Variants in SPG11 observed in about 807,000 individuals in gnomAD.
SPG11 encodes SPG11 vesicle trafficking associated, spatacsin, also known as spatacsin.
SPG11 carries 222 observed loss-of-function variants against 274.0 expected under a neutral mutation model. The ratio of observed to expected loss-of-function variants is 0.81; its 90% confidence interval spans 0.73 to 0.91. SPG11 has a LOEUF of 0.91. SPG11 is among the 40% of genes least tolerant of loss of function. SPG11 has a pLI of 0.00. For synonymous variants in SPG11, 1,144 were observed against 1,039.7 expected, an observed-to-expected ratio of 1.10 and a Z score of -1.93; for missense variants, 3,114 against 2,872.7, an observed-to-expected ratio of 1.08 and a Z score of -1.92.
intron 9 of SPG11, 63 bp from the exon 10 acceptor site, chr15:44,628,907 A>G: frequency 6.8e-7 from 1 of 1,473,954 alleles, no homozygotes; most frequent in Admixed American, 1.7e-5. Flanking sequence ...ATGAGCTGTT[A>G]TAAAGAATTC....
intron 10 of SPG11, among the ~76,000 whole-genome samples, chr15:44,628,240 T>C (rs572407398): frequency 4.0e-4 from 61 of 152,330 alleles, no homozygotes; most frequent in Non-Finnish European, 8.2e-4. Context: ...CAGATAGGAC[T>C]AAAATTAAGT....
At chr15:44,600,187 T>A (rs1255129392) in intron 21 of SPG11, 1 of 331,562 alleles carries the variant, frequency 3.0e-6, no homozygotes, top group East Asian at 5.8e-5. Flanking sequence ...CATCCAAATG[T>A]AATCACTGTT....
At chr15:44,657,336 T>G in intron 3 of SPG11, 40 bp from the exon 4 acceptor site, 1 of 1,572,570 alleles carries the variant, frequency 6.4e-7, no homozygotes, top group Non-Finnish European at 8.7e-7. Flanking sequence ...GTTTTGTAAG[T>G]ATGCCTAACT....
At chr15:44,596,725 T>C in intron 24 of SPG11, 59 bp downstream of exon 24, 4 of 902,846 alleles carry the variant, frequency 4.4e-6, no homozygotes, top group Non-Finnish European at 6.8e-6. Flanking sequence ...GAAAGAATGC[T>C]ATCTTCTAAG....
At chr15:44,610,084 G>T (rs2083423129) in intron 18 of SPG11, among the ~76,000 whole-genome samples, 2 of 151,754 alleles carry the variant, frequency 1.3e-5, no homozygotes, top group South Asian at 4.2e-4. Context: ...TGTATTTTTA[G>T]TAGAGACGGG....
chr15:44,615,400 G>T lies in SPG11; in HGVS notation c.3001C>A (p.Leu1001Met). Residue 1001 changes from leucine (L) to methionine (M), a missense_variant, in exon 16 of 40, where the codon CTG becomes ATG. Transcript: ENST00000261866. ...QFILYCLEHS[L>M]QHLLYVYLDC... ...AGGTAGACATAAAGAAGATGCTGCA[G>T]ACTGTGCTCCAAACAATAGAGAATG... 6.2e-7 allele frequency: 1 copy of T among 1,614,026 alleles called. No homozygotes were observed. Among genetic ancestry groups the T allele is most frequent in the Non-Finnish European group, 8.5e-7 (1 of 1,179,996 alleles).
intron 23 of SPG11, 78 bp downstream of exon 23, chr15:44,598,187 G>T: frequency 9.7e-7 from 1 of 1,027,834 alleles, no homozygotes; most frequent in Non-Finnish European, 1.5e-6. Flanking sequence ...CACCAGAGTT[G>T]TTCAAAGAAA....
chr15:44,644,897 C>T (rs962482153), intron 7 of SPG11, among the ~76,000 whole-genome samples: 5 of 152,112 alleles, frequency 3.3e-5, no homozygotes, highest in African/African-American at 9.7e-5. Flanking sequence ...ATGAGAATTA[C>T]AGAACAATGC....
chr15:44,566,073 C>T (rs750337866), intron 37 of SPG11, 64 bp from the exon 38 acceptor site: 2 of 1,604,338 alleles, frequency 1.2e-6, no homozygotes, highest in South Asian at 1.1e-5. Flanking sequence ...TGTGTGAACC[C>T]TCACAACGGT....
chr15:44,662,500 T>C (rs2085141432), intron 1 of SPG11, among the ~76,000 whole-genome samples: 1 of 151,840 alleles, frequency 6.6e-6, no homozygotes, highest in African/African-American at 2.4e-5. Context: ...AGACCTCATC[T>C]CTACAAAAAC....
At chr15:44,627,755 A>G (rs1419839939) in intron 10 of SPG11, among the ~76,000 whole-genome samples, 1 of 152,020 alleles carries the variant, frequency 6.6e-6, no homozygotes, top group Non-Finnish European at 1.5e-5. Context: ...ACACCTGGCT[A>G]ATTTTTTTGT....
chr15:44,659,440 C>A (rs2141127204), intron 2 of SPG11, 137 bp from the exon 3 acceptor site: 1 of 743,428 alleles, frequency 1.3e-6, no homozygotes. Context: ...AGTTATCGTT[C>A]ACACCCACCT....
intron 20 of SPG11, among the ~76,000 whole-genome samples, chr15:44,602,261 G>A (rs1211875000): frequency 2.0e-5 from 3 of 152,022 alleles, no homozygotes; most frequent in Non-Finnish European, 2.9e-5. Context: ...TTGAACAGAA[G>A]TGGCAAGGGT....
intron 20 of SPG11, among the ~76,000 whole-genome samples, chr15:44,604,400 C>T (rs2140990587): frequency 6.6e-6 from 1 of 152,278 alleles, no homozygotes; most frequent in Non-Finnish European, 1.5e-5. Flanking sequence ...GTAAGGCACA[C>T]AGTACTGAAA....
chr15:44,596,650 G>A (rs1262370050), intron 24 of SPG11, 134 bp downstream of exon 24: 32 of 644,190 alleles, frequency 5.0e-5, no homozygotes, highest in Non-Finnish European at 7.1e-5. Context: ...TATCCAGTAC[G>A]TATCCTGGTC....
intron 14 of SPG11, chr15:44,621,313 G>C (rs1021725563): frequency 6.4e-6 from 1 of 156,248 alleles, no homozygotes; most frequent in African/African-American, 2.4e-5. Flanking sequence ...AGATGGGGAA[G>C]GATGAAAAGA....
intron 7 of SPG11, among the ~76,000 whole-genome samples, chr15:44,634,853 T>G (rs945002328): frequency 2.0e-5 from 3 of 152,140 alleles, no homozygotes; most frequent in African/African-American, 7.2e-5. Flanking sequence ...GTGCTGGAAT[T>G]ACAGGCATGA....
At chr15:44,652,939 T>C in intron 4 of SPG11, among the ~76,000 whole-genome samples, 1 of 152,106 alleles carries the variant, frequency 6.6e-6, no homozygotes, top group African/African-American at 2.4e-5. Flanking sequence ...AAATCACTCA[T>C]TATACTGCCA....
At chr15:44,592,861 A>C (rs2082938202) in intron 26 of SPG11, among the ~76,000 whole-genome samples, 1 of 152,022 alleles carries the variant, frequency 6.6e-6, no homozygotes, top group East Asian at 1.9e-4. Flanking sequence ...GTGTGGTGGC[A>C]TGTGCCTATA....
Sources: allele counts gnomAD v4.1 joint callset (sites outside exome capture counted in the v4.1 genomes callset), GRCh38; gene constraint gnomAD v4.1.1; transcripts MANE v1.5; gene names NCBI Gene and HGNC (gene_info 2026-07-23, HGNC 2026-07-21).